SH3BGR: variants seen among roughly 807,000 people sequenced by gnomAD.
The protein encoded by SH3BGR is SH3 domain-binding glutamic acid-rich protein.
A neutral mutation model predicts 24.5 loss-of-function variants in SH3BGR; 29 were observed. The observed-to-expected ratio is 1.18, with a 90% CI of 0.88 to 1.61. SH3BGR has a LOEUF of 1.61. SH3BGR is among the 40% of genes most tolerant of loss of function. The pLI is 0.00. For missense variants in SH3BGR, 162 were observed against 205.8 expected, an observed-to-expected ratio of 0.79 and a Z score of 1.30; for synonymous variants, 55 against 65.7, an observed-to-expected ratio of 0.84 and a Z score of 0.79.
At chr21:39,451,687 CG>C, upstream of SH3BGR, 1 of 570,138 alleles carries the variant, frequency 1.8e-6, no homozygotes, top group Non-Finnish European at 3.1e-6. Context: ...TCACTTCTTT[CG>C]CCTCCTGCTG....
At chr21:39,472,674 T>G (rs1179313634) in intron 2 of SH3BGR, among the ~76,000 whole-genome samples, 2 of 152,206 alleles carry the variant, frequency 1.3e-5, no homozygotes, top group Non-Finnish European at 2.9e-5. Context: ...AGGAGAATAT[T>G]TTCCCCTTCA....
chr21:39,505,175 A>G (rs2078561873), intron 4 of SH3BGR, among the ~76,000 whole-genome samples: 1 of 152,234 alleles, frequency 6.6e-6, no homozygotes, highest in Non-Finnish European at 1.5e-5. Flanking sequence ...GAGCTGGAGT[A>G]GCATTACACA....
intron 1 of SH3BGR, among the ~76,000 whole-genome samples, chr21:39,454,378 AG>A (rs1569147785): frequency 6.6e-6 from 1 of 152,248 alleles, no homozygotes; most frequent in African/African-American, 2.4e-5. Context: ...AGCAAATTGT[AG>A]TCTCCTTATG....
In SH3BGR at chr21:39,511,471, T is replaced by G. The variant is rs200497907; in HGVS notation, c.436-209T>G. 2.0e-5 allele frequency among the ~76,000 whole-genome samples: 3 copies of G among 148,968 alleles called. No individual in the cohort carries two copies. Among genetic ancestry groups the G allele is most frequent in the African/African-American group, 7.4e-5 (3 of 40,466 alleles). On this transcript the variant is annotated intron_variant, in intron 5 of 6. Transcript: ENST00000333634. This position sits in a 1 kb window ranked among gnomAD's most constrained non-coding sequence, Gnocchi z 4.2. The stretch of plus-strand genomic sequence containing the variant: ...GTGTGTTTCCGTGGTGTGTGTGTGT[T>G]TGGGCGGTATGTGTGTGGGGTGTGT...
At chr21:39,486,825 C>G (rs1364742221) in intron 3 of SH3BGR, among the ~76,000 whole-genome samples, 1 of 151,956 alleles carries the variant, frequency 6.6e-6, no homozygotes, top group African/African-American at 2.4e-5. Context: ...CAAGCACTTT[C>G]CTGCGTCAGC....
rs1461653535 is a variant in SH3BGR at position 39,515,072 on chromosome 21, T to C, written c.*35-16T>C. 1 of 469,306 alleles carries C rather than the reference T, an allele frequency of 2.1e-6. No individual in the cohort carries two copies. 29.1% of individuals were successfully genotyped at this position (469,306 alleles called of 1,614,324 possible). A position where few individuals can be genotyped will look rare whatever the true frequency, so the allele number is the denominator to read the frequency against. On this transcript the variant is annotated splice_polypyrimidine_tract_variant and intron_variant, in intron 6 of 6. Coordinates refer to ENST00000333634, the MANE Select transcript of SH3BGR (RefSeq NM_007341.3). ...TTTCTCTACAGTCTTTCCCTAATAT[T>C]TGCCTTTTCTTTTAGAAAATGGAAG...
chr21:39,467,245 C>T (rs1484302538), intron 2 of SH3BGR, among the ~76,000 whole-genome samples: 1 of 149,860 alleles, frequency 6.7e-6, no homozygotes, highest in Non-Finnish European at 1.5e-5. Context: ...TCCCAGTTTG[C>T]TGTGATCTAG....
At chr21:39,498,497 C>G (rs1185259760) in intron 3 of SH3BGR, among the ~76,000 whole-genome samples, 2 of 152,144 alleles carry the variant, frequency 1.3e-5, no homozygotes, top group Admixed American at 1.3e-4. Flanking sequence ...GCCCTACCTA[C>G]TTAGTGAAGA....
chr21:39,461,113 T>C (rs35668465), intron 1 of SH3BGR, among the ~76,000 whole-genome samples: 19,589 of 151,416 alleles, frequency 0.13, 1,666 homozygotes, highest in South Asian at 0.17. Context: ...AAGACAACAT[T>C]ACAACTCATC....
At chr21:39,501,377 A>G (rs1338484484) in intron 4 of SH3BGR, among the ~76,000 whole-genome samples, 1 of 152,224 alleles carries the variant, frequency 6.6e-6, no homozygotes, top group Non-Finnish European at 1.5e-5. Context: ...TGAATCACCC[A>G]GCTTGGACGT....
Position 39,511,835 on chromosome 21 carries a change from A to G in SH3BGR, c.*34+26A>G. The G allele has an allele frequency of 6.3e-7, 1 of 1,583,798 alleles. No homozygotes were observed. Among genetic ancestry groups the G allele is most frequent in the Non-Finnish European group, 8.6e-7 (1 of 1,168,700 alleles). On this transcript the variant is annotated intron_variant, in intron 6 of 6. Transcript: ENST00000333634. This position sits in a 1 kb window ranked among gnomAD's most constrained non-coding sequence, Gnocchi z 4.2. ...GTAGCTACAGGATTCTGGGGTGGAA[A>G]AGCTGCTAGTTACCGTACTGTATGC... is the stretch of plus-strand genomic sequence containing the variant.
At position 39,452,046 on chromosome 21, in the gene SH3BGR, G is replaced by A. The variant is rs368501968; in HGVS notation, c.-51G>A. On this transcript the variant is annotated 5_prime_UTR_variant, in exon 1 of 7. Transcript: ENST00000333634. ...TCACTGTCAGGATTTGTCTAGCGGC[G>A]CATTCCCTGACAGGGGTGTGTTGGG... The A allele has an allele frequency of 3.8e-5, 62 of 1,614,024 alleles. No individual in the cohort carries two copies. Among genetic ancestry groups the A allele is most frequent in the Non-Finnish European group, 4.9e-5 (58 of 1,180,042 alleles).
chr21:39,483,224 A>G (rs1226091777), intron 3 of SH3BGR, among the ~76,000 whole-genome samples: 1 of 152,224 alleles, frequency 6.6e-6, no homozygotes, highest in Non-Finnish European at 1.5e-5. Flanking sequence ...TTATGTGGAA[A>G]AGTTAGAGCA....
intron 3 of SH3BGR, among the ~76,000 whole-genome samples, chr21:39,497,127 G>A (rs1175438524): frequency 6.6e-6 from 1 of 150,870 alleles, no homozygotes. Flanking sequence ...GTATTTATAT[G>A]TATATCTGAG....
At chr21:39,501,744 T>G (rs184127862) in intron 4 of SH3BGR, among the ~76,000 whole-genome samples, 319 of 152,326 alleles carry the variant, frequency 2.1e-3, no homozygotes, top group African/African-American at 7.4e-3. Flanking sequence ...TGATTAACCC[T>G]TATGAGTGTA....
chr21:39,455,289 G>C (rs2077636628), intron 1 of SH3BGR, among the ~76,000 whole-genome samples: 1 of 152,284 alleles, frequency 6.6e-6, no homozygotes, highest in African/African-American at 2.4e-5. Context: ...CTTCACTGAG[G>C]TCCCAAAGGC....
chr21:39,473,625 C>CT (rs1354120488), intron 2 of SH3BGR, among the ~76,000 whole-genome samples: 1 of 152,146 alleles, frequency 6.6e-6, no homozygotes, highest in Non-Finnish European at 1.5e-5. Context: ...TGGCTCACGC[C>CT]TGTAATCCCA....
At chr21:39,498,833 GTATC>G (rs2078441999) in intron 3 of SH3BGR, among the ~76,000 whole-genome samples, 1 of 152,064 alleles carries the variant, frequency 6.6e-6, no homozygotes, top group Non-Finnish European at 1.5e-5. Flanking sequence ...TCTATCATCT[GTATC>G]TATCCATCTG....
intron 3 of SH3BGR, among the ~76,000 whole-genome samples, chr21:39,494,460 A>G (rs2078360048): frequency 6.6e-6 from 1 of 151,886 alleles, no homozygotes; most frequent in African/African-American, 2.4e-5. Context: ...CTTTGCTTTC[A>G]TTCTTGAGGG....
Sources: gnomAD v4.1 joint callset for allele counts (sites outside exome capture counted in the v4.1 genomes callset) on GRCh38, gnomAD v4.1.1 for gene constraint, Gnocchi (gnomAD v3.1) non-coding constraint, MANE v1.5 for transcripts, NCBI Gene and HGNC (gene_info 2026-07-23, HGNC 2026-07-21) for gene names.